Variants in PLSCR2 observed in about 807,000 individuals in gnomAD.
PLSCR2 encodes the protein phospholipid scramblase 2, also known as PL scramblase 2.
PLSCR2 carries 18 observed loss-of-function variants against 25.3 expected under a neutral mutation model. The ratio of observed to expected loss-of-function variants is 0.71; its 90% confidence interval spans 0.49 to 1.06. The LOEUF (loss-of-function observed/expected upper bound fraction) is 1.06, where lower values mean the gene tolerates loss of function less well. Among genes scored for constraint, PLSCR2 ranks in the 50% least tolerant of loss-of-function variants. The probability of loss-of-function intolerance (pLI) is 0.00; values close to 1 mark genes in which losing one functional copy is unlikely to be tolerated. For missense variants in PLSCR2, 243 were observed against 269.5 expected (o/e 0.90, Z 0.69); for synonymous variants, 88 against 87.3 (o/e 1.01, Z -0.04).
intron 1 of PLSCR2, among the ~76,000 whole-genome samples, chr3:146,471,197 T>C (rs954072358): frequency 6.6e-6 from 1 of 152,324 alleles, no homozygotes; most frequent in Admixed American, 6.5e-5. Flanking sequence ...TTTTATCAAT[T>C]ATAAATTGTG....
intron 1 of PLSCR2, among the ~76,000 whole-genome samples, chr3:146,489,997 C>T (rs2043487681): frequency 6.6e-6 from 1 of 152,090 alleles, no homozygotes; most frequent in South Asian, 2.1e-4. Flanking sequence ...AAAACCTCAA[C>T]ACATTACAGC....
At chr3:146,484,000 A>T (rs527696888) in intron 1 of PLSCR2, among the ~76,000 whole-genome samples, 1 of 152,006 alleles carries the variant, frequency 6.6e-6, no homozygotes, top group South Asian at 2.1e-4. Context: ...ACTGAGCTAA[A>T]GAAGCATGTT....
At chr3:146,400,741 G>A (rs987589362) in intron 2 of PLSCR2, among the ~76,000 whole-genome samples, 4 of 151,608 alleles carry the variant, frequency 2.6e-5, no homozygotes, top group African/African-American at 7.3e-5. Context: ...TCTACAGCTG[G>A]TATTATGCCA....
At chr3:146,484,904 A>G (rs2043286421) in intron 1 of PLSCR2, among the ~76,000 whole-genome samples, 1 of 152,136 alleles carries the variant, frequency 6.6e-6, no homozygotes, top group Admixed American at 6.5e-5. Flanking sequence ...ACCAAATAGC[A>G]TCATGATAAC....
intron 3 of PLSCR2, among the ~76,000 whole-genome samples, chr3:146,394,796 G>A (rs758602281): frequency 6.6e-6 from 1 of 152,180 alleles, no homozygotes; most frequent in Non-Finnish European, 1.5e-5. Context: ...GTTGAGGCAG[G>A]GTCCTGTAAT....
chr3:146,458,332 A>C (rs1251265588), intron 3 of PLSCR2, 79 bp downstream of exon 3: 1 of 1,230,316 alleles, frequency 8.1e-7, no homozygotes. Context: ...GGAATGCTAT[A>C]TTTATAGTTT....
intron 5 of PLSCR2, among the ~76,000 whole-genome samples, chr3:146,450,264 G>T (rs893850405): frequency 2.6e-5 from 4 of 152,160 alleles, no homozygotes; most frequent in African/African-American, 9.7e-5. Flanking sequence ...TACATATACA[G>T]GTCACATGTG....
chr3:146,429,108 A>G (rs2039456560), downstream of PLSCR2, among the ~76,000 whole-genome samples: 1 of 152,220 alleles, frequency 6.6e-6, no homozygotes, highest in African/African-American at 2.4e-5. Flanking sequence ...ATTTATAAAG[A>G]AAAGAGGTTT....
intron 1 of PLSCR2, among the ~76,000 whole-genome samples, chr3:146,476,791 G>C (rs1237453021): frequency 6.6e-6 from 1 of 152,188 alleles, no homozygotes; most frequent in Admixed American, 6.5e-5. Context: ...CTCCTTACTG[G>C]GTGGGGCCTC....
intron 6 of PLSCR2, among the ~76,000 whole-genome samples, chr3:146,445,152 A>G (rs1407951031): frequency 6.6e-6 from 1 of 152,110 alleles, no homozygotes; most frequent in East Asian, 1.9e-4. Flanking sequence ...TATTTTTAAT[A>G]GGCTCATCTT....
At chr3:146,448,977 A>T (rs769069353) in intron 6 of PLSCR2, among the ~76,000 whole-genome samples, 1 of 152,166 alleles carries the variant, frequency 6.6e-6, no homozygotes, top group Non-Finnish European at 1.5e-5. Flanking sequence ...TAGCATATAA[A>T]GTTATTCTCT....
intron 1 of PLSCR2, among the ~76,000 whole-genome samples, chr3:146,471,118 C>G (rs1426974184): frequency 6.6e-6 from 1 of 151,868 alleles, no homozygotes; most frequent in Non-Finnish European, 1.5e-5. Flanking sequence ...AACAGTGCAT[C>G]TTGGAAATCT....
intron 6 of PLSCR2, among the ~76,000 whole-genome samples, chr3:146,445,078 T>A (rs1411266580): frequency 1.3e-5 from 2 of 152,144 alleles, no homozygotes; most frequent in African/African-American, 4.8e-5. Context: ...GTCCCATTTT[T>A]AAATTTGTTG....
In PLSCR2 at chr3:146,481,296, C is replaced by T. The variant is rs186231824; in HGVS notation, c.-293+14599G>A. On this transcript the variant is annotated intron_variant, in intron 1 of 8. Coordinates refer to the PLSCR2 transcript ENST00000336685. ...TAGGAAAATAGGAAGTCAAATTATC[C>T]CTGTTTGCAGATGACATGATTGTAT... Among the ~76,000 whole-genome samples, 3 of 152,188 alleles carry T rather than the reference C, an allele frequency of 2.0e-5. No homozygotes were observed. The East Asian group carries it at 5.8e-4, about 29-fold the overall frequency.
chr3:146,420,678 T>G (rs952694064), intron 2 of PLSCR2, among the ~76,000 whole-genome samples: 1 of 152,120 alleles, frequency 6.6e-6, no homozygotes, highest in African/African-American at 2.4e-5. Flanking sequence ...AAACAATTTT[T>G]AAATATTGTC....
downstream of PLSCR2, among the ~76,000 whole-genome samples, chr3:146,428,862 C>G (rs941085195): frequency 4.6e-5 from 7 of 152,198 alleles, no homozygotes; most frequent in African/African-American, 9.7e-5. Context: ...TTAAAAGTTG[C>G]AAAACAGAAA....
chr3:146,492,802 G>C (rs888029271), intron 1 of PLSCR2, among the ~76,000 whole-genome samples: 1 of 151,848 alleles, frequency 6.6e-6, no homozygotes, highest in Non-Finnish European at 1.5e-5. Context: ...ACCAAAACCA[G>C]AGCTAATTGA....
intron 2 of PLSCR2, among the ~76,000 whole-genome samples, chr3:146,423,779 T>C (rs1216435586): frequency 2.0e-5 from 3 of 152,050 alleles, no homozygotes; most frequent in Non-Finnish European, 4.4e-5. Context: ...AAACATTTGC[T>C]GGTTTTAAAG....
exon 3 of PLSCR2, chr3:146,458,450 C>T (rs1186129765): frequency 6.8e-7 from 1 of 1,476,880 alleles, no homozygotes; most frequent in Non-Finnish European, 9.2e-7. Flanking sequence ...AGTATCATAT[C>T]TATCTATTAT....
Sources: allele counts gnomAD v4.1 joint callset (sites outside exome capture counted in the v4.1 genomes callset), GRCh38; gene constraint gnomAD v4.1.1; transcripts MANE v1.5; gene names NCBI Gene and HGNC (gene_info 2026-07-23, HGNC 2026-07-21).